Variants in CERK observed in about 807,000 individuals in gnomAD.
CERK encodes the protein acylsphingosine kinase.
In CERK, 39 loss-of-function variants were observed where a neutral mutation model predicts 63.4. That is an observed-to-expected ratio of 0.61 (90% CI 0.48 to 0.80). CERK has a LOEUF of 0.80. CERK is among the 30% of genes least tolerant of loss of function. CERK has a pLI of 0.00. For synonymous variants in CERK, 302 were observed against 280.0 expected (o/e 1.08, Z -0.78); for missense variants, 670 against 714.1 (o/e 0.94, Z 0.70).
rs2082829004 is a variant in CERK, at chr22:46,709,326, G to C, written c.570-1338C>G. Among the ~76,000 whole-genome samples the C allele has an allele frequency of 2.0e-5, 3 of 152,210 alleles. No homozygotes were observed. In the South Asian group the frequency reaches 6.2e-4, roughly 32 times the overall value. ...CTAGGGTGGGTGCAATAAGGTGCCA[G>C]CCCCATCCCTGCTGAAAAGTGAAGA... On this transcript the variant is annotated intron_variant, in intron 5 of 12. Transcript: ENST00000216264.
rs1410564217 is a variant in CERK at position 46,701,649 on chromosome 22, C to T, written c.777G>A (p.Leu259=). 3 of 1,558,058 alleles carry T rather than the reference C, an allele frequency of 1.9e-6. No homozygotes were observed. The highest frequency in any genetic ancestry group is 3.8e-5 in the Admixed American group (2 of 52,174). The change falls in exon 7 of 13, where the codon CTG becomes CTA. Residue 259 remains leucine, a synonymous_variant. Coordinates refer to ENST00000216264, the MANE Select transcript of CERK (RefSeq NM_022766.6). The stretch of plus-strand genomic sequence containing the variant: ...GGAGGGGCTCACCAACAACGATATG[C>T]AGCGCCGAGGTTTCTGCGTCGCTGG... ...VGTSDAETSA[L]HIVVGDSLAM...
At chr22:46,689,939 C>T (rs561697645) in intron 12 of CERK, 53 bp downstream of exon 12, 18 of 1,405,730 alleles carry the variant, frequency 1.3e-5, no homozygotes, top group Admixed American at 9.6e-5. Flanking sequence ...TTGTGACAGA[C>T]ACCTCAGGGC....
At chr22:46,699,927 A>G (rs1371291307) in intron 7 of CERK, among the ~76,000 whole-genome samples, 1 of 152,154 alleles carries the variant, frequency 6.6e-6, no homozygotes, top group African/African-American at 2.4e-5. Flanking sequence ...TGTCTCTACT[A>G]AACATATAAA....
chr22:46,689,088 C>T (rs545107792), intron 12 of CERK, among the ~76,000 whole-genome samples: 1 of 152,376 alleles, frequency 6.6e-6, no homozygotes, highest in South Asian at 2.1e-4. Flanking sequence ...CCCAGCCAGC[C>T]AGAGGAGGGG....
intron 8 of CERK, among the ~76,000 whole-genome samples, chr22:46,696,127 C>T (rs1406944821): frequency 6.6e-6 from 1 of 152,212 alleles, no homozygotes; most frequent in Non-Finnish European, 1.5e-5. Flanking sequence ...AGATGGCAAG[C>T]CCACAGCCAA....
chr22:46,695,448 C>A, intron 8 of CERK, 133 bp from the exon 9 acceptor site: 1 of 677,446 alleles, frequency 1.5e-6, no homozygotes, highest in Non-Finnish European at 2.7e-6. Flanking sequence ...AGAGGCCGGG[C>A]CTGCTTCAGG....
intron 6 of CERK, among the ~76,000 whole-genome samples, chr22:46,702,416 C>T (rs1336576438): frequency 4.6e-5 from 7 of 151,938 alleles, no homozygotes; most frequent in Non-Finnish European, 7.4e-5. Flanking sequence ...CTCAGCCTCC[C>T]GAGGAGCTGG....
chr22:46,691,525 ATAAATTACTC>A, intron 11 of CERK, 37 bp downstream of exon 11: 1 of 1,487,378 alleles, frequency 6.7e-7, no homozygotes, highest in East Asian at 2.3e-5. Flanking sequence ...CTGCTGGAAC[ATAAATTACTC>A]GCCAGTGGAG....
At position 46,707,888 on chromosome 22, in the gene CERK, C is replaced by G. The variant is rs2082821124; in HGVS notation, c.670G>C (p.Ala224Pro). The change falls in exon 6 of 13, where the codon GCT becomes CCT. Residue 224 changes from alanine (A) to proline (P), a missense_variant. Ala to Pro is a conservative substitution (Grantham distance 27). Transcript: ENST00000216264. ...SAGVDQNHPR[A>P]VLVPSSLRIG... ...CGGAGGCTACTGGGGACCAGCACAG[C>G]CCGGGGGTGGTTCTGGTCGACCCCG... 1 of 1,613,980 alleles carries G rather than the reference C, an allele frequency of 6.2e-7. No homozygotes were observed. The highest frequency in any genetic ancestry group is 8.5e-7 in the Non-Finnish European group (1 of 1,179,952).
intron 1 of CERK, among the ~76,000 whole-genome samples, chr22:46,725,142 C>T (rs1165367865): frequency 6.6e-6 from 1 of 152,082 alleles, no homozygotes; most frequent in Non-Finnish European, 1.5e-5. Context: ...CAGTGAGACG[C>T]CTCCAGCCTA....
At chr22:46,704,477 G>A (rs1326785802) in intron 6 of CERK, among the ~76,000 whole-genome samples, 5 of 152,196 alleles carry the variant, frequency 3.3e-5, no homozygotes, top group Non-Finnish European at 5.9e-5. Context: ...GAAAAGAGTT[G>A]CAAGACACAA....
At chr22:46,708,758 A>G (rs755481682) in intron 5 of CERK, among the ~76,000 whole-genome samples, 1 of 152,190 alleles carries the variant, frequency 6.6e-6, no homozygotes, top group Non-Finnish European at 1.5e-5. Context: ...CCCAGAGGGA[A>G]GGCAGAGGAC....
Position 46,695,299 on chromosome 22 carries a change from G to A in CERK, c.960C>T (p.Leu320=), listed in dbSNP as rs1464678764. 2 of 1,605,440 alleles carry A rather than the reference G, an allele frequency of 1.2e-6. No individual in the cohort carries two copies. Among genetic ancestry groups the A allele is most frequent in the Admixed American group, 1.7e-5 (1 of 60,018 alleles). The change falls in exon 9 of 13, where the codon CTC becomes CTT. Residue 320 remains leucine, a synonymous_variant. Transcript: ENST00000216264. ...RYDFSGLKTF[L]SHHCYEGTVS... Reference sequence around the variant, plus strand: ...CTGTCCCTTCATAGCAGTGGTGGGAGAGGAAGGTCTTTAAACCTGGGAACA... The same window carrying A: ...CTGTCCCTTCATAGCAGTGGTGGGAAAGGAAGGTCTTTAAACCTGGGAACA...
At chr22:46,697,312 T>A (rs1034727203) in intron 8 of CERK, among the ~76,000 whole-genome samples, 5 of 150,978 alleles carry the variant, frequency 3.3e-5, no homozygotes, top group Admixed American at 6.6e-5. Context: ...TTTCTTTTCT[T>A]TTTTTTTTGA....
chr22:46,708,574 T>C (rs2082825290), intron 5 of CERK, among the ~76,000 whole-genome samples: 1 of 151,928 alleles, frequency 6.6e-6, no homozygotes, highest in Non-Finnish European at 1.5e-5. Flanking sequence ...GCGGACAAAA[T>C]GGGGCATGAG....
chr22:46,703,691 C>G (rs2082798927), intron 6 of CERK, among the ~76,000 whole-genome samples: 1 of 152,200 alleles, frequency 6.6e-6, no homozygotes, highest in Admixed American at 6.5e-5. Flanking sequence ...CCTTACCGTC[C>G]AAGCCACCAG....
chr22:46,721,605 A>G (rs2082893099), intron 1 of CERK, among the ~76,000 whole-genome samples: 2 of 152,180 alleles, frequency 1.3e-5, no homozygotes, highest in African/African-American at 4.8e-5. Context: ...AATGCGGACC[A>G]TTCCGGGCCA....
intron 11 of CERK, 103 bp from the exon 12 acceptor site, chr22:46,690,303 T>G (rs1601707605): frequency 2.5e-6 from 2 of 802,426 alleles, no homozygotes; most frequent in Admixed American, 2.7e-5. Context: ...CAGGCCTGGG[T>G]GCACACACGG....
At chr22:46,689,586 C>G (rs2082719877) in intron 12 of CERK, among the ~76,000 whole-genome samples, 1 of 152,074 alleles carries the variant, frequency 6.6e-6, no homozygotes, top group South Asian at 2.1e-4. Context: ...GTTGGCGAGG[C>G]TGGTCTTGAA....
Sources: allele counts gnomAD v4.1 joint callset (sites outside exome capture counted in the v4.1 genomes callset), GRCh38; gene constraint gnomAD v4.1.1; transcripts MANE v1.5; gene names NCBI Gene and HGNC (gene_info 2026-07-23, HGNC 2026-07-21).